The following FBXL17 variants were observed in gnomAD, a reference collection of about 807,000 sequenced individuals.
FBXL17 encodes F-box/LRR-repeat protein 17.
Under a neutral mutation model 66.2 loss-of-function variants are expected in FBXL17, and 22 were observed. The ratio of observed to expected loss-of-function variants is 0.33; its 90% confidence interval spans 0.24 to 0.47. The LOEUF (loss-of-function observed/expected upper bound fraction) is 0.47. Among genes scored for constraint, FBXL17 ranks in the 20% least tolerant of loss-of-function variants. The pLI, the probability that FBXL17 is intolerant of heterozygous loss-of-function variation, is 1.00. For synonymous variants in FBXL17, 474 were observed against 400.5 expected (o/e 1.18, Z -2.19); for missense variants, 878 against 948.2 (o/e 0.93, Z 0.97).
intron 4 of FBXL17, among the ~76,000 whole-genome samples, chr5:108,262,949 C>T (rs910953253): frequency 6.6e-5 from 10 of 151,990 alleles, no homozygotes; most frequent in Non-Finnish European, 1.3e-4. Context: ...AAAGGTTATA[C>T]AAGGATACTG....
intron 6 of FBXL17, among the ~76,000 whole-genome samples, chr5:108,052,273 G>C (rs1747515749): frequency 1.3e-5 from 2 of 152,112 alleles, no homozygotes; most frequent in African/African-American, 4.8e-5. Context: ...AATTGTTTTG[G>C]TCTGCAGATT....
rs542970147 is a variant in FBXL17, at chr5:107,948,659, TA to T, written c.1823-67481del. Among the ~76,000 whole-genome samples the T allele has an allele frequency of 3.1e-3, 466 of 152,320 alleles. 4 individuals carry two copies. Among genetic ancestry groups the T allele is most frequent in the South Asian group, 0.013 (65 of 4,832 alleles). On this transcript the variant is annotated intron_variant, in intron 7 of 8. Transcript: ENST00000542267. ...AATGTCATGTCAATGGCTTTTGAAT[TA>T]AACCCAAATTTCTTCCTTGGCCTTC...
chr5:108,044,601 A>C (rs539316903), intron 6 of FBXL17, among the ~76,000 whole-genome samples: 1 of 152,204 alleles, frequency 6.6e-6, no homozygotes, highest in African/African-American at 2.4e-5. Context: ...TACTTCTTTG[A>C]AGTGTATTTT....
intron 7 of FBXL17, among the ~76,000 whole-genome samples, chr5:107,919,225 T>C (rs187804150): frequency 6.6e-6 from 1 of 152,294 alleles, no homozygotes; most frequent in Non-Finnish European, 1.5e-5. Flanking sequence ...ACTGGCATCA[T>C]CTTGACTCTC....
intron 7 of FBXL17, among the ~76,000 whole-genome samples, chr5:108,016,761 TC>T (rs1358607010): frequency 6.9e-6 from 1 of 145,334 alleles, no homozygotes; most frequent in Non-Finnish European, 1.5e-5. Context: ...AAGTAAATTA[TC>T]TTTTTTTCTT....
intron 6 of FBXL17, among the ~76,000 whole-genome samples, chr5:108,077,314 C>G (rs1186952868): frequency 5.3e-5 from 8 of 152,062 alleles, no homozygotes; most frequent in Admixed American, 2.6e-4. Flanking sequence ...TAAGTTAATC[C>G]TACTATGATT....
chr5:107,879,470 G>A, intron 8 of FBXL17: 3 of 985,448 alleles, frequency 3.0e-6, no homozygotes, highest in Non-Finnish European at 3.6e-6. Context: ...TCTCAGTGCT[G>A]TTGCTTAGTT....
chr5:108,160,387 C>A (rs914646630), intron 6 of FBXL17, among the ~76,000 whole-genome samples: 2 of 152,112 alleles, frequency 1.3e-5, no homozygotes, highest in African/African-American at 4.8e-5. Flanking sequence ...ACTAGACTGA[C>A]CTTTTCTCTA....
intron 7 of FBXL17, 105 bp downstream of exon 7, chr5:108,020,820 A>G (rs1268458631): frequency 2.5e-6 from 2 of 791,780 alleles, no homozygotes; most frequent in South Asian, 1.6e-5. Context: ...ATAAGTGACG[A>G]TAGACAGTCT....
At chr5:108,111,236 GA>G (rs72437210) in intron 6 of FBXL17, among the ~76,000 whole-genome samples, 8,262 of 149,172 alleles carry the variant, frequency 0.055, 391 homozygotes, top group African/African-American at 0.13. Context: ...AAAAAAGAAA[GA>G]AAAGAAAAGA....
chr5:108,271,291 C>G (rs1757257377), intron 4 of FBXL17, among the ~76,000 whole-genome samples: 1 of 152,088 alleles, frequency 6.6e-6, no homozygotes, highest in Admixed American at 6.5e-5. Context: ...ATGTCCAAAT[C>G]ATATTTATGT....
intron 4 of FBXL17, among the ~76,000 whole-genome samples, chr5:108,258,770 T>C (rs942870928): frequency 7.0e-6 from 1 of 142,056 alleles, no homozygotes; most frequent in Admixed American, 6.9e-5. Flanking sequence ...TAAAACACTC[T>C]AGGATCTTAC....
chr5:108,342,863 G>C (rs1217683074), intron 4 of FBXL17, among the ~76,000 whole-genome samples: 1 of 152,162 alleles, frequency 6.6e-6, no homozygotes. Flanking sequence ...GCAAAATCCT[G>C]AGATGTAGTT....
intron 4 of FBXL17, among the ~76,000 whole-genome samples, chr5:108,279,919 A>G (rs1757635743): frequency 6.6e-6 from 1 of 152,046 alleles, no homozygotes; most frequent in Non-Finnish European, 1.5e-5. Context: ...CCAGTCAAAT[A>G]AAAACAAAGA....
intron 7 of FBXL17, among the ~76,000 whole-genome samples, chr5:107,934,654 T>C (rs1414270186): frequency 6.6e-6 from 1 of 152,138 alleles, no homozygotes; most frequent in African/African-American, 2.4e-5. Flanking sequence ...CTGGTTACCA[T>C]ATCTGAAAAG....
chr5:108,196,860 C>T (rs1753701060), intron 5 of FBXL17, among the ~76,000 whole-genome samples: 1 of 152,138 alleles, frequency 6.6e-6, no homozygotes, highest in South Asian at 2.1e-4. Flanking sequence ...TCTCTATTTA[C>T]ATATTTGTTC....
chr5:108,198,341 C>T (rs1263872806), intron 5 of FBXL17, among the ~76,000 whole-genome samples: 1 of 152,172 alleles, frequency 6.6e-6, no homozygotes, highest in East Asian at 1.9e-4. Context: ...AGCCACAAGT[C>T]TAATATTAAT....
At chr5:108,374,500 C>T (rs1416987293) in intron 1 of FBXL17, among the ~76,000 whole-genome samples, 2 of 151,932 alleles carry the variant, frequency 1.3e-5, no homozygotes, top group South Asian at 2.1e-4. Flanking sequence ...GGCAAAACTC[C>T]CATCTCTACC....
intron 7 of FBXL17, among the ~76,000 whole-genome samples, chr5:107,887,526 C>A (rs1273595344): frequency 6.6e-6 from 1 of 152,164 alleles, no homozygotes; most frequent in Non-Finnish European, 1.5e-5. Flanking sequence ...GTAGGATTAA[C>A]ATCTTTCATG....
Sources: gnomAD v4.1 joint callset for allele counts (sites outside exome capture counted in the v4.1 genomes callset) on GRCh38, gnomAD v4.1.1 for gene constraint, MANE v1.5 for transcripts, NCBI Gene and HGNC (gene_info 2026-07-23, HGNC 2026-07-21) for gene names.